The following KCNH1 variants were observed in gnomAD, a reference collection of about 807,000 sequenced individuals.
KCNH1 encodes the protein potassium voltage-gated channel subfamily H member 1, also known as voltage-gated delayed rectifier potassium channel KCNH1.
In KCNH1, 27 loss-of-function variants were observed where a neutral mutation model predicts 69.2. The observed-to-expected ratio is 0.39, with a 90% confidence interval of 0.29 to 0.54. KCNH1 has a LOEUF of 0.54. KCNH1 is among the 20% of genes least tolerant of loss of function. The pLI, the probability that KCNH1 is intolerant of heterozygous loss-of-function variation, is 0.68. For missense variants in KCNH1, 798 were observed against 1,261.6 expected (o/e 0.63, Z 5.57); for synonymous variants, 456 against 487.7 (o/e 0.93, Z 0.86).
At chr1:210,766,313 G>A (rs1683630764) in intron 10 of KCNH1, among the ~76,000 whole-genome samples, 1 of 152,144 alleles carries the variant, frequency 6.6e-6, no homozygotes, top group Non-Finnish European at 1.5e-5. Flanking sequence ...ATCACCTGAG[G>A]TCAGGAGTTT....
intron 5 of KCNH1, among the ~76,000 whole-genome samples, chr1:211,053,711 C>T (rs1285499478): frequency 1.3e-5 from 2 of 152,062 alleles, no homozygotes; most frequent in Non-Finnish European, 2.9e-5. Flanking sequence ...CAGGCGAAAC[C>T]ATAGTTTGTG....
At chr1:210,724,907 A>G (rs1406017208) in intron 10 of KCNH1, among the ~76,000 whole-genome samples, 1 of 152,186 alleles carries the variant, frequency 6.6e-6, no homozygotes, top group Admixed American at 6.5e-5. Context: ...GCTGGCTGCT[A>G]TGTGGAACAG....
chr1:210,700,055 G>T (rs986471042), intron 10 of KCNH1, among the ~76,000 whole-genome samples: 2 of 152,156 alleles, frequency 1.3e-5, no homozygotes, highest in Admixed American at 1.3e-4. Context: ...AGAATCCTCT[G>T]TCCTGCTACT....
intron 7 of KCNH1, among the ~76,000 whole-genome samples, chr1:210,877,470 TCA>T (rs1195988476): frequency 6.6e-6 from 1 of 152,162 alleles, no homozygotes; most frequent in Non-Finnish European, 1.5e-5. Context: ...CACATTGAAG[TCA>T]CACGATGCTC....
intron 6 of KCNH1, among the ~76,000 whole-genome samples, chr1:210,942,152 T>C (rs1687888412): frequency 6.6e-6 from 1 of 152,212 alleles, no homozygotes; most frequent in Admixed American, 6.5e-5. Context: ...GTAAACATAC[T>C]TAATCATTCT....
At chr1:210,860,766 C>G in intron 7 of KCNH1, 1 of 800,790 alleles carries the variant, frequency 1.2e-6, no homozygotes, top group East Asian at 2.4e-5. Flanking sequence ...TGTCATCAAT[C>G]AGACATCTTC....
Position 211,113,875 on chromosome 1 carries a change from G to A in KCNH1, c.80-6498C>T, listed in dbSNP as rs572580762. 5.3e-5 allele frequency among the ~76,000 whole-genome samples: 8 copies of A among 151,840 alleles called. No homozygotes were observed. In the South Asian group the frequency reaches 6.3e-4, roughly 12 times the overall value. ...TGGGTGGGGGTGTTCAGGGGAGGAC[G>A]GTGAGTCAGGCAAATATCAGACATG... On this transcript the variant is annotated intron_variant, in intron 1 of 10. Coordinates refer to ENST00000271751, the MANE Select transcript of KCNH1 (RefSeq NM_172362.3).
chr1:210,823,454 A>G (rs925665379), intron 7 of KCNH1, among the ~76,000 whole-genome samples: 4 of 152,164 alleles, frequency 2.6e-5, no homozygotes, highest in African/African-American at 9.7e-5. Context: ...TGCATTTAGG[A>G]AAGTCCCAAG....
chr1:210,883,691 G>A (rs1416326979), intron 7 of KCNH1, among the ~76,000 whole-genome samples: 2 of 152,326 alleles, frequency 1.3e-5, no homozygotes, highest in Non-Finnish European at 2.9e-5. Context: ...CATGCAAAAG[G>A]CTTTGTAATG....
At chr1:210,687,284 T>C (rs559662580) in intron 10 of KCNH1, among the ~76,000 whole-genome samples, 147 of 152,322 alleles carry the variant, frequency 9.7e-4, no homozygotes, top group Non-Finnish European at 1.5e-3. Context: ...TATATTGTGC[T>C]TGTCACCCAG....
intron 6 of KCNH1, among the ~76,000 whole-genome samples, chr1:211,005,461 A>G (rs747000089): frequency 2.0e-5 from 3 of 152,190 alleles, no homozygotes; most frequent in Non-Finnish European, 4.4e-5. Flanking sequence ...ATCCAGGCCT[A>G]TAAAGACACT....
At chr1:210,912,938 C>T (rs531362865) in intron 7 of KCNH1, among the ~76,000 whole-genome samples, 10 of 152,288 alleles carry the variant, frequency 6.6e-5, no homozygotes, top group East Asian at 1.9e-4. Flanking sequence ...ATAGCCATGA[C>T]GTCACAAGAA....
intron 7 of KCNH1, among the ~76,000 whole-genome samples, chr1:210,885,114 T>C (rs1686574032): frequency 6.6e-6 from 1 of 152,244 alleles, no homozygotes; most frequent in Non-Finnish European, 1.5e-5. Context: ...ACCCGTTATA[T>C]CAGGATCTTC....
At chr1:210,835,278 T>A (rs747120077) in intron 7 of KCNH1, among the ~76,000 whole-genome samples, 5 of 122,354 alleles carry the variant, frequency 4.1e-5, no homozygotes, top group African/African-American at 1.4e-4. Context: ...GTTCAGTCTC[T>A]TATTTTGTGA....
At chr1:210,792,970 C>T (rs7532333) in intron 9 of KCNH1, among the ~76,000 whole-genome samples, 21,164 of 152,028 alleles carry the variant, frequency 0.14, 1,534 homozygotes, top group Non-Finnish European at 0.16. Context: ...ACTAGTACTA[C>T]TTGGATAGGG....
At chr1:210,805,451 C>T (rs532274841) in intron 7 of KCNH1, among the ~76,000 whole-genome samples, 1 of 152,016 alleles carries the variant, frequency 6.6e-6, no homozygotes, top group South Asian at 2.1e-4. Context: ...TTTGTAATCC[C>T]TCCCTCCCAT....
chr1:210,918,453 C>A (rs984901381), intron 7 of KCNH1, among the ~76,000 whole-genome samples: 5 of 152,200 alleles, frequency 3.3e-5, no homozygotes, highest in Admixed American at 6.5e-5. Flanking sequence ...TGAGTCCAAT[C>A]CACTCAAACT....
chr1:211,030,976 C>G (rs959604886), intron 5 of KCNH1, among the ~76,000 whole-genome samples: 1 of 151,836 alleles, frequency 6.6e-6, no homozygotes, highest in East Asian at 1.9e-4. Flanking sequence ...AACCAATAAG[C>G]ACATGAAAAA....
intron 7 of KCNH1, among the ~76,000 whole-genome samples, chr1:210,897,211 C>A (rs1686888024): frequency 6.6e-6 from 1 of 152,130 alleles, no homozygotes; most frequent in Admixed American, 6.5e-5. Context: ...AGTGAGGGAC[C>A]ATTATGAAAA....
Sources: allele counts gnomAD v4.1 joint callset (sites outside exome capture counted in the v4.1 genomes callset), GRCh38; gene constraint gnomAD v4.1.1; transcripts MANE v1.5; gene names NCBI Gene and HGNC (gene_info 2026-07-23, HGNC 2026-07-21).